The following LPP variants were observed in gnomAD, a reference collection of about 807,000 sequenced individuals.
The protein encoded by LPP is lipoma-preferred partner.
A neutral mutation model predicts 60.4 loss-of-function variants in LPP; 38 were observed. The ratio of observed to expected loss-of-function variants is 0.63; its 90% CI spans 0.49 to 0.83. LPP has a LOEUF of 0.83. LPP is among the 40% of genes least tolerant of loss of function. LPP has a pLI of 0.00. For synonymous variants in LPP, 328 were observed against 290.8 expected, an observed-to-expected ratio of 1.13 and a Z score of -1.30; for missense variants, 902 against 783.6, an observed-to-expected ratio of 1.15 and a Z score of -1.80.
intron 3 of LPP, among the ~76,000 whole-genome samples, chr3:188,356,578 C>A (rs1360313800): frequency 6.6e-6 from 1 of 152,168 alleles, no homozygotes; most frequent in African/African-American, 2.4e-5. Flanking sequence ...AACCTGCCTA[C>A]CTGTTGGCAT....
At chr3:188,638,183 A>G (rs1296757765) in intron 7 of LPP, among the ~76,000 whole-genome samples, 27 of 131,154 alleles carry the variant, frequency 2.1e-4, no homozygotes, top group African/African-American at 7.7e-4. Flanking sequence ...AGTGGGCTTC[A>G]TCCCTGGGAT....
chr3:188,209,118 A>C (rs1734044324), intron 1 of LPP, among the ~76,000 whole-genome samples: 1 of 152,216 alleles, frequency 6.6e-6, no homozygotes, highest in Non-Finnish European at 1.5e-5. Context: ...GTTAGTATGT[A>C]GCAGAATTGG....
intron 3 of LPP, among the ~76,000 whole-genome samples, chr3:188,366,629 C>A (rs987310245): frequency 4.8e-4 from 73 of 152,152 alleles, no homozygotes; most frequent in African/African-American, 1.7e-3. Context: ...GGAATGAGTG[C>A]TGGAAACTCT....
chr3:188,184,096 T>G (rs1296866585), intron 1 of LPP, among the ~76,000 whole-genome samples: 1 of 152,182 alleles, frequency 6.6e-6, no homozygotes, highest in Non-Finnish European at 1.5e-5. Context: ...GCCATCGCAG[T>G]GCCTCTGGGA....
chr3:188,405,985 C>A, intron 3 of LPP, 127 bp from the exon 4 acceptor site: 1 of 703,250 alleles, frequency 1.4e-6, no homozygotes, highest in Non-Finnish European at 2.3e-6. Context: ...CATTTTCTTT[C>A]ACCCTTCTTT....
rs141317986 is a variant in LPP, at chr3:188,708,072, T to C, written c.1114-195T>C. Among the ~76,000 whole-genome samples the C allele has an allele frequency of 6.8e-4, 104 of 152,346 alleles. 1 individual carries two copies. The highest frequency in any genetic ancestry group is 2.1e-3 in the African/African-American group (88 of 41,584). ...AAGCCTGATAGATGACTCATCTAGA[T>C]AAGGCAAATGAGTAAAGAGATGTGT... On this transcript the variant is annotated intron_variant, in intron 7 of 11. Coordinates refer to ENST00000617246, the MANE Select transcript of LPP (RefSeq NM_001375462.1).
intron 7 of LPP, among the ~76,000 whole-genome samples, chr3:188,612,526 T>A (rs1843939135): frequency 6.6e-6 from 1 of 152,204 alleles, no homozygotes; most frequent in South Asian, 2.1e-4. Context: ...GACCTCTTTA[T>A]GTCATGCTTC....
At chr3:188,301,040 C>G (rs984503375) in intron 2 of LPP, among the ~76,000 whole-genome samples, 1 of 152,040 alleles carries the variant, frequency 6.6e-6, no homozygotes, top group Non-Finnish European at 1.5e-5. Context: ...TACATTTGCC[C>G]TAGTTCCATC....
Position 188,880,139 on chromosome 3 carries a change from T to G in LPP, c.*5660T>G, listed in dbSNP as rs1444156927. The G allele has an allele frequency of 6.2e-6, 1 of 162,344 alleles. No homozygotes were observed. Among genetic ancestry groups the G allele is most frequent in the Admixed American group, 6.5e-5 (1 of 15,428 alleles). 10.1% of individuals were successfully genotyped at this position (162,344 alleles called of 1,614,324 possible). On this transcript the variant is annotated 3_prime_UTR_variant, in exon 12 of 12. Coordinates refer to ENST00000617246, the MANE Select transcript of LPP (RefSeq NM_001375462.1). Reference sequence around the variant, plus strand: ...TCCGCCTCCCAGGTTCACGCCATTCTCCTGTCTCAGCCTCCCGAGTAGCTG... The same window carrying G: ...TCCGCCTCCCAGGTTCACGCCATTCGCCTGTCTCAGCCTCCCGAGTAGCTG...
intron 2 of LPP, among the ~76,000 whole-genome samples, chr3:188,267,966 C>A (rs1399325753): frequency 2.6e-5 from 4 of 151,428 alleles, no homozygotes; most frequent in Non-Finnish European, 5.9e-5. Context: ...ATAGCCTCTG[C>A]CTTAGGAACA....
Position 188,499,054 on chromosome 3 carries a change from C to A in LPP, c.306+14350C>A, listed in dbSNP as rs562000520. 3.3e-5 allele frequency among the ~76,000 whole-genome samples: 5 copies of A among 151,460 alleles called. No homozygotes were observed. The East Asian group carries it at 9.7e-4, about 29-fold the overall frequency. On this transcript the variant is annotated intron_variant, in intron 5 of 11. Coordinates refer to ENST00000617246, the MANE Select transcript of LPP (RefSeq NM_001375462.1). ...TCTCTATATATTCTGAATATTAATC[C>A]CTTATCAGGTATGATTTGATAATAC...
At position 188,888,032 on chromosome 3, in the gene LPP, G is replaced by A. The variant is rs116642120; in HGVS notation, c.*13553G>A. 386 of 215,562 alleles carry A rather than the reference G, an allele frequency of 1.8e-3. 2 individuals are homozygous for A. The highest frequency in any genetic ancestry group is 8.1e-3 in the African/African-American group (362 of 44,474). The allele number at this position is 215,562 out of a possible 1,614,324, so 13.4% of individuals were successfully genotyped here. On this transcript the variant is annotated 3_prime_UTR_variant, in exon 12 of 12. Transcript: ENST00000617246. ...TATTTGGCATGTATAAAATTATCAT[G>A]TGGCTTAATGTGCCTTAAGTGAAAA... is the stretch of plus-strand genomic sequence containing the variant.
chr3:188,731,830 CTT>C (rs947886147), intron 8 of LPP, among the ~76,000 whole-genome samples: 1 of 152,118 alleles, frequency 6.6e-6, no homozygotes, highest in Non-Finnish European at 1.5e-5. Flanking sequence ...CCTGTCTAAT[CTT>C]TTATTTAATG....
chr3:188,342,335 C>T (rs1210711278), intron 3 of LPP, among the ~76,000 whole-genome samples: 1 of 152,176 alleles, frequency 6.6e-6, no homozygotes, highest in Non-Finnish European at 1.5e-5. Context: ...TTGGGAATGA[C>T]ACCAATCCTT....
intron 6 of LPP, among the ~76,000 whole-genome samples, chr3:188,599,751 G>GGGGTGTGTGTGTGT (rs374294307): frequency 3.4e-4 from 48 of 139,902 alleles, no homozygotes; most frequent in South Asian, 2.9e-3. Flanking sequence ...ACTCGTTAGG[G>GGGGTGTGTGTGTGT]GTGTGTGTGT....
At chr3:188,408,314 C>T (rs544830233) in intron 4 of LPP, among the ~76,000 whole-genome samples, 7 of 152,138 alleles carry the variant, frequency 4.6e-5, no homozygotes, top group African/African-American at 1.7e-4. Context: ...TAAGTGGGCT[C>T]ATAAATGGCA....
At chr3:188,261,406 C>T (rs1190688172) in intron 2 of LPP, among the ~76,000 whole-genome samples, 1 of 152,118 alleles carries the variant, frequency 6.6e-6, no homozygotes, top group Admixed American at 6.5e-5. Flanking sequence ...TGAATGACGG[C>T]ATTTACAATT....
chr3:188,176,622 C>T (rs1723114522), intron 1 of LPP, among the ~76,000 whole-genome samples: 1 of 152,074 alleles, frequency 6.6e-6, no homozygotes, highest in Non-Finnish European at 1.5e-5. Flanking sequence ...AGTTAACCCA[C>T]ATTTATTGAC....
At chr3:188,310,467 A>G (rs1753062539) in intron 2 of LPP, among the ~76,000 whole-genome samples, 1 of 152,118 alleles carries the variant, frequency 6.6e-6, no homozygotes, top group Admixed American at 6.5e-5. Flanking sequence ...AGTGGAATTG[A>G]GGGAGAAATG....
Sources: allele counts gnomAD v4.1 joint callset (sites outside exome capture counted in the v4.1 genomes callset), GRCh38; gene constraint gnomAD v4.1.1; transcripts MANE v1.5; gene names NCBI Gene and HGNC (gene_info 2026-07-23, HGNC 2026-07-21).